FOXRED1: variants seen among roughly 807,000 people sequenced by gnomAD.
FOXRED1 encodes the protein FAD-dependent oxidoreductase domain-containing protein 1.
In FOXRED1, 52 loss-of-function variants were observed where a neutral mutation model predicts 57.8. The ratio of observed to expected loss-of-function variants is 0.90; its 90% CI spans 0.72 to 1.13. The LOEUF (loss-of-function observed/expected upper bound fraction) is 1.13. Ranked by LOEUF, FOXRED1 falls within the 50% of genes most tolerant of loss-of-function variation. FOXRED1 has a pLI of 0.00. For synonymous variants in FOXRED1, 271 were observed against 248.3 expected (o/e 1.09, Z -0.86); for missense variants, 589 against 625.2 (o/e 0.94, Z 0.62).
At position 126,272,941 on chromosome 11, in the gene FOXRED1, T is replaced by C. The variant is rs181493362; in HGVS notation, c.307-28T>C. 579 of 1,081,802 alleles carry C rather than the reference T, an allele frequency of 5.4e-4. 5 individuals are homozygous for C. The African/African-American group carries it at 7.0e-3, about 13-fold the overall frequency. 67.0% of individuals were successfully genotyped at this position (1,081,802 alleles called of 1,614,324 possible). A position where few individuals can be genotyped will look rare whatever the true frequency, so the allele number is the denominator to read the frequency against. ...AGTCACATGTGATAGGGTACTGGTC[T>C]ACCTCAACTTTTCTTGTCTTTCCAC... On this transcript the variant is annotated intron_variant, in intron 2 of 10. Coordinates refer to ENST00000263578, the MANE Select transcript of FOXRED1 (RefSeq NM_017547.4). The surrounding 1 kb of genome is among the most constrained non-coding windows in gnomAD (Gnocchi z 4.6).
At chr11:126,269,538 C>G (rs560808228) in intron 1 of FOXRED1, 1 of 698,300 alleles carries the variant, frequency 1.4e-6, no homozygotes, top group South Asian at 1.6e-5. Context: ...GATTGATAAT[C>G]GGTGGCACAG....
chr11:126,269,505 C>T (rs1400249132), intron 1 of FOXRED1: 4 of 808,386 alleles, frequency 4.9e-6, no homozygotes, highest in African/African-American at 1.7e-5. Context: ...ACATCATTCT[C>T]CATTTAAGCT....
chr11:126,274,852 G>A lies in FOXRED1; in HGVS notation c.537-75G>A. On this transcript the variant is annotated intron_variant, in intron 4 of 10. Coordinates refer to ENST00000263578, the MANE Select transcript of FOXRED1 (RefSeq NM_017547.4). The surrounding 1 kb of genome is among the most constrained non-coding windows in gnomAD (Gnocchi z 4.8). ...CTGAGCTGGACTCCCCACTTGTGGA[G>A]TTGGGGTCCATACATCATCCCCCTG... is the stretch of plus-strand genomic sequence containing the variant. 1.1e-6 allele frequency: 1 copy of A among 871,330 alleles called. No homozygotes were observed. The highest frequency in any genetic ancestry group is 2.0e-6 in the Non-Finnish European group (1 of 501,502). The allele number at this position is 871,330 out of a possible 1,614,324, so 54.0% of individuals were successfully genotyped here. A position where few individuals can be genotyped will look rare whatever the true frequency, so the allele number is the denominator to read the frequency against.
chr11:126,271,436 G>T lies in FOXRED1; in HGVS notation c.86-1G>T. 1.2e-6 allele frequency: 2 copies of T among 1,607,962 alleles called. No homozygotes were observed. Among genetic ancestry groups the T allele is most frequent in the South Asian group, 2.2e-5 (2 of 90,906 alleles). ...CCTCTGACCCTAACTACATCCCACA[G>T]ACTGGGATGGAAAGGTGTCTGAGAT... On this transcript the variant is annotated splice_acceptor_variant, in intron 1 of 10. Coordinates refer to ENST00000263578, the MANE Select transcript of FOXRED1 (RefSeq NM_017547.4). LOFTEE classifies it high-confidence loss of function. The surrounding 1 kb of genome is among the most constrained non-coding windows in gnomAD (Gnocchi z 5.3).
rs1191842420 is a variant in FOXRED1, at chr11:126,275,519, G to A, written c.733+91G>A. 1.1e-5 allele frequency: 11 copies of A among 966,280 alleles called. No homozygotes were observed. The highest frequency in any genetic ancestry group is 1.8e-5 in the Non-Finnish European group (11 of 597,220). 59.9% of individuals were successfully genotyped at this position (966,280 alleles called of 1,614,324 possible). ...TCACAAGCTAAGCAAGGGCTGGAGGGGGAAAGGGGTCTCCCTGAGAGCAGG... is the reference window on the plus strand; with the variant it reads ...TCACAAGCTAAGCAAGGGCTGGAGGAGGAAAGGGGTCTCCCTGAGAGCAGG... On this transcript the variant is annotated intron_variant, in intron 6 of 10. Transcript: ENST00000263578. The surrounding 1 kb of genome is among the most constrained non-coding windows in gnomAD (Gnocchi z 5.9).
chr11:126,277,802 G>T lies in FOXRED1; in HGVS notation c.*113G>T, dbSNP rs667627. ...GCCAGGCCTTCTCCCCCTCCCCAGTGTCCTCTCCTCTCAGGCAGGCCATTG... is the reference window on the plus strand; with the variant it reads ...GCCAGGCCTTCTCCCCCTCCCCAGTTTCCTCTCCTCTCAGGCAGGCCATTG... On this transcript the variant is annotated 3_prime_UTR_variant, in exon 11 of 11. Transcript: ENST00000263578. This position sits in a 1 kb window ranked among gnomAD's most constrained non-coding sequence, Gnocchi z 6.8. The T allele has an allele frequency of 8.4e-7, 1 of 1,187,482 alleles. No homozygotes were observed. Among genetic ancestry groups the T allele is most frequent in the African/African-American group, 1.5e-5 (1 of 67,068 alleles). 73.6% of individuals were successfully genotyped at this position (1,187,482 alleles called of 1,614,324 possible).
chr11:126,272,935 C>A lies in FOXRED1; in HGVS notation c.307-34C>A, dbSNP rs367645630. ...TATTCTAGTCACATGTGATAGGGTA[C>A]TGGTCTACCTCAACTTTTCTTGTCT... On this transcript the variant is annotated intron_variant, in intron 2 of 10. Transcript: ENST00000263578. The surrounding 1 kb of genome is among the most constrained non-coding windows in gnomAD (Gnocchi z 4.6). 26 of 1,012,888 alleles carry A rather than the reference C, an allele frequency of 2.6e-5. No individual in the cohort carries two copies. The highest frequency in any genetic ancestry group is 1.0e-4 in the Admixed American group (6 of 59,262). The allele number at this position is 1,012,888 out of a possible 1,614,324, so 62.7% of individuals were successfully genotyped here.
At chr11:126,269,621 C>A (rs546336544) in intron 1 of FOXRED1, among the ~76,000 whole-genome samples, 1 of 152,176 alleles carries the variant, frequency 6.6e-6, no homozygotes, top group African/African-American at 2.4e-5. Context: ...GAAGAGAAGA[C>A]GGGATTCAGT....
Position 126,269,397 on chromosome 11 carries a change from G to GGT in FOXRED1, c.85+107_85+108dup, listed in dbSNP as rs771833596. The GGT allele has an allele frequency of 1.2e-5, 19 of 1,595,620 alleles. No homozygotes were observed. The South Asian group carries it at 2.0e-4, about 17-fold the overall frequency. On this transcript the variant is annotated intron_variant, in intron 1 of 10. Transcript: ENST00000263578. The stretch of plus-strand genomic sequence containing the variant: ...CATGGCCCACACTGGCAGGACAGTG[G>GGT]GTCGGCTTGGGGAAGGGGGTTAGCT...
chr11:126,275,196 C>A lies in FOXRED1; in HGVS notation c.632-131C>A. The A allele has an allele frequency of 1.2e-6, 1 of 835,166 alleles. No homozygotes were observed. The allele number at this position is 835,166 out of a possible 1,614,324, so 51.7% of individuals were successfully genotyped here. ...CTCTGTCCTTCATCAGGCTTTGTCT[C>A]TGTGGTTCAGTTGGTTAAGATGACC... On this transcript the variant is annotated intron_variant, in intron 5 of 10. Transcript: ENST00000263578. This position sits in a 1 kb window ranked among gnomAD's most constrained non-coding sequence, Gnocchi z 5.9.
At position 126,271,495 on chromosome 11, in the gene FOXRED1, G is replaced by A. The variant is rs1950984380; in HGVS notation, c.144G>A (p.Arg48=). Residue 48 remains arginine (R), a synonymous_variant, in exon 2 of 11, where the codon AGG becomes AGA. Coordinates refer to ENST00000263578, the MANE Select transcript of FOXRED1 (RefSeq NM_017547.4). The surrounding 1 kb of genome is among the most constrained non-coding windows in gnomAD (Gnocchi z 5.3). ...AGATCAAGTCGATCCTGCCTGGAAGGTCCTGTGATCTACTGCAAGACACCA... is the reference window on the plus strand; with the variant it reads ...AGATCAAGTCGATCCTGCCTGGAAGATCCTGTGATCTACTGCAAGACACCA... ...KKKIKSILPG[R]SCDLLQDTSH... The A allele has an allele frequency of 6.2e-7, 1 of 1,614,104 alleles. No individual in the cohort carries two copies. The highest frequency in any genetic ancestry group is 8.5e-7 in the Non-Finnish European group (1 of 1,180,026).
rs972504114 is a variant in FOXRED1 at position 126,275,760 on chromosome 11, C to T, written c.734-34C>T. On this transcript the variant is annotated intron_variant, in intron 6 of 10. Transcript: ENST00000263578. This position sits in a 1 kb window ranked among gnomAD's most constrained non-coding sequence, Gnocchi z 5.9. Reference sequence around the variant, plus strand: ...TCCCCATTTCATTCCTCTTCAGCACCTCTACGGCCTATTTTTCATTTTCTT... The same window carrying T: ...TCCCCATTTCATTCCTCTTCAGCACTTCTACGGCCTATTTTTCATTTTCTT... The T allele has an allele frequency of 1.5e-5, 21 of 1,426,738 alleles. No individual in the cohort carries two copies. Among genetic ancestry groups the T allele is most frequent in the Non-Finnish European group, 2.1e-5 (21 of 1,009,848 alleles). 88.4% of individuals were successfully genotyped at this position (1,426,738 alleles called of 1,614,324 possible).
rs371248626 is a variant in FOXRED1, at chr11:126,275,766, G to A, written c.734-28G>A. On this transcript the variant is annotated intron_variant, in intron 6 of 10. Coordinates refer to ENST00000263578, the MANE Select transcript of FOXRED1 (RefSeq NM_017547.4). This position sits in a 1 kb window ranked among gnomAD's most constrained non-coding sequence, Gnocchi z 5.9. ...TTTCATTCCTCTTCAGCACCTCTACGGCCTATTTTTCATTTTCTTCTCTGC... is the reference window on the plus strand; with the variant it reads ...TTTCATTCCTCTTCAGCACCTCTACAGCCTATTTTTCATTTTCTTCTCTGC... 25 of 1,485,902 alleles carry A rather than the reference G, an allele frequency of 1.7e-5. No individual in the cohort carries two copies. Among genetic ancestry groups the A allele is most frequent in the Admixed American group, 3.3e-5 (2 of 59,802 alleles). 92.0% of individuals were successfully genotyped at this position (1,485,902 alleles called of 1,614,324 possible). A position where few individuals can be genotyped will look rare whatever the true frequency, so the allele number is the denominator to read the frequency against.
At position 126,271,428 on chromosome 11, in the gene FOXRED1, A is replaced by G. The variant is rs1296897468; in HGVS notation, c.86-9A>G. 2 of 1,607,090 alleles carry G rather than the reference A, an allele frequency of 1.2e-6. No individual in the cohort carries two copies. Among genetic ancestry groups the G allele is most frequent in the African/African-American group, 1.3e-5 (1 of 74,872 alleles). On this transcript the variant is annotated splice_polypyrimidine_tract_variant and intron_variant, in intron 1 of 10. Coordinates refer to ENST00000263578, the MANE Select transcript of FOXRED1 (RefSeq NM_017547.4). The surrounding 1 kb of genome is among the most constrained non-coding windows in gnomAD (Gnocchi z 5.3). ...TGTTTGGCCCTCTGACCCTAACTAC[A>G]TCCCACAGACTGGGATGGAAAGGTG... is the stretch of plus-strand genomic sequence containing the variant.
In FOXRED1 at chr11:126,271,393, G is replaced by T. The variant is rs753601478; in HGVS notation, c.86-44G>T. 7.0e-7 allele frequency: 1 copy of T among 1,432,398 alleles called. No individual in the cohort carries two copies. 88.7% of individuals were successfully genotyped at this position (1,432,398 alleles called of 1,614,324 possible). A position where few individuals can be genotyped will look rare whatever the true frequency, so the allele number is the denominator to read the frequency against. The stretch of plus-strand genomic sequence containing the variant: ...CCATCCTCCAACCCCCCAACCATGT[G>T]GGAAGGAAATGTTTGGCCCTCTGAC... On this transcript the variant is annotated intron_variant, in intron 1 of 10. Transcript: ENST00000263578. This position sits in a 1 kb window ranked among gnomAD's most constrained non-coding sequence, Gnocchi z 5.3.
chr11:126,269,511 A>T, intron 1 of FOXRED1: 1 of 782,880 alleles, frequency 1.3e-6, no homozygotes, highest in Non-Finnish European at 2.2e-6. Context: ...TTCTCCATTT[A>T]AGCTTACAGT....
intron 1 of FOXRED1, 26 bp downstream of exon 1, chr11:126,269,317 T>C (rs369871514): frequency 6.2e-6 from 10 of 1,613,772 alleles, no homozygotes; most frequent in Middle Eastern, 1.6e-4. Context: ...ACAGAGGGTA[T>C]TGTGGTTCTG....
At chr11:126,269,627 T>A (rs1950920047) in intron 1 of FOXRED1, among the ~76,000 whole-genome samples, 1 of 152,156 alleles carries the variant, frequency 6.6e-6, no homozygotes, top group Admixed American at 6.5e-5. Context: ...AAGACGGGAT[T>A]CAGTGAATGT....
chr11:126,273,049 C>T lies in FOXRED1; in HGVS notation c.387C>T (p.Leu129=), dbSNP rs754032276. ...TGCCTGAGAACATCCAGCTCTCCCT[C>T]TTTTCAGCCAGCTTTCTACGGAACA... ...FSLPENIQLS[L]FSASFLRNIN... is the part of the protein sequence containing the mutation. The change falls in exon 3 of 11, where the codon CTC becomes CTT. Residue 129 remains leucine (L), a synonymous_variant. Coordinates refer to ENST00000263578, the MANE Select transcript of FOXRED1 (RefSeq NM_017547.4). The surrounding 1 kb of genome is among the most constrained non-coding windows in gnomAD (Gnocchi z 5.9). The T allele has an allele frequency of 1.2e-6, 2 of 1,600,852 alleles. No individual in the cohort carries two copies. Among genetic ancestry groups the T allele is most frequent in the Admixed American group, 3.3e-5 (2 of 60,022 alleles).
Sources: allele counts gnomAD v4.1 joint callset (sites outside exome capture counted in the v4.1 genomes callset), GRCh38; gene constraint gnomAD v4.1.1; non-coding constraint Gnocchi (gnomAD v3.1); transcripts MANE v1.5; gene names NCBI Gene and HGNC (gene_info 2026-07-23, HGNC 2026-07-21).